The following VTI1A variants were observed in gnomAD, a reference collection of about 807,000 sequenced individuals.
VTI1A encodes vesicle transport through interaction with t-SNAREs homolog 1A.
VTI1A carries 22 observed loss-of-function variants against 34.9 expected under a neutral mutation model. The observed-to-expected ratio is 0.63, with a 90% CI of 0.45 to 0.90. The LOEUF (loss-of-function observed/expected upper bound fraction) is 0.90. Among genes scored for constraint, VTI1A ranks in the 40% least tolerant of loss-of-function variants. The pLI, the probability that VTI1A is intolerant of heterozygous loss-of-function variation, is 0.00. For synonymous variants in VTI1A, 87 were observed against 97.3 expected (o/e 0.89, Z 0.62); for missense variants, 268 against 275.6 (o/e 0.97, Z 0.20).
chr10:112,518,259 ATCAG>A (rs1024528956), intron 3 of VTI1A, among the ~76,000 whole-genome samples: 6 of 151,978 alleles, frequency 3.9e-5, no homozygotes, highest in African/African-American at 1.4e-4. Context: ...TTCGTGAACA[ATCAG>A]ACCTTTGTGA....
intron 5 of VTI1A, among the ~76,000 whole-genome samples, chr10:112,560,597 CT>C (rs1281971200): frequency 2.3e-3 from 287 of 123,716 alleles, no homozygotes; most frequent in East Asian, 5.2e-3. Flanking sequence ...AATAGAAGTG[CT>C]TTTTTTTTTT....
intron 7 of VTI1A, among the ~76,000 whole-genome samples, chr10:112,688,711 G>GTTTT (rs200535927): frequency 0.012 from 1,801 of 151,674 alleles, 37 homozygotes; most frequent in African/African-American, 0.042. Flanking sequence ...TTGTTTGTTT[G>GTTTT]TATTTTTAGT....
chr10:112,626,469 C>G (rs1845926042), intron 5 of VTI1A, among the ~76,000 whole-genome samples: 1 of 151,900 alleles, frequency 6.6e-6, no homozygotes, highest in South Asian at 2.1e-4. Flanking sequence ...TAGAATTAAT[C>G]TGTACTAATG....
intron 5 of VTI1A, among the ~76,000 whole-genome samples, chr10:112,573,401 G>T (rs74908996): frequency 6.6e-6 from 1 of 151,966 alleles, no homozygotes; most frequent in Non-Finnish European, 1.5e-5. Context: ...TAGAGGGTAT[G>T]TTTATTAGGA....
At chr10:112,779,379 T>TAAGAG (rs1852047192) in intron 7 of VTI1A, among the ~76,000 whole-genome samples, 1 of 152,234 alleles carries the variant, frequency 6.6e-6, no homozygotes, top group Non-Finnish European at 1.5e-5. Context: ...GACTAGATTT[T>TAAGAG]GACACAGAGA....
intron 7 of VTI1A, among the ~76,000 whole-genome samples, chr10:112,784,237 A>T (rs1213901496): frequency 6.6e-6 from 1 of 152,194 alleles, no homozygotes; most frequent in Non-Finnish European, 1.5e-5. Context: ...ATCTGTAGCA[A>T]ATCTGCCGGT....
intron 5 of VTI1A, among the ~76,000 whole-genome samples, chr10:112,611,174 G>A (rs1845295265): frequency 6.6e-6 from 1 of 152,196 alleles, no homozygotes; most frequent in African/African-American, 2.4e-5. Flanking sequence ...AACGACAATA[G>A]AGTAATGTTA....
intron 1 of VTI1A, 122 bp downstream of exon 1, chr10:112,447,589 T>A (rs1482314043): frequency 1.8e-6 from 2 of 1,133,936 alleles, no homozygotes; most frequent in Non-Finnish European, 2.5e-6. Context: ...TGCCGGCTGT[T>A]CCCAGGAGGG....
At chr10:112,805,325 C>T (rs962047505) in intron 7 of VTI1A, among the ~76,000 whole-genome samples, 1 of 152,112 alleles carries the variant, frequency 6.6e-6, no homozygotes, top group African/African-American at 2.4e-5. Flanking sequence ...AAATTATACA[C>T]ATTCAAAATT....
the VTI1A span, among the ~76,000 whole-genome samples, chr10:112,843,281 G>A: frequency 6.6e-6 from 1 of 152,244 alleles, no homozygotes; most frequent in East Asian, 1.9e-4. Flanking sequence ...GTGTGACCAT[G>A]ATGCTAAGGA....
At chr10:112,798,933 C>T (rs576441304) in intron 7 of VTI1A, among the ~76,000 whole-genome samples, 56 of 152,274 alleles carry the variant, frequency 3.7e-4, no homozygotes, top group African/African-American at 1.3e-3. Flanking sequence ...CAGCCACGTG[C>T]TGCAGACCAT....
intron 5 of VTI1A, among the ~76,000 whole-genome samples, chr10:112,609,899 TG>T (rs753485813): frequency 2.5e-4 from 38 of 152,144 alleles, no homozygotes; most frequent in Non-Finnish European, 5.3e-4. Context: ...AATGGTACTC[TG>T]AATCTCACTT....
intron 5 of VTI1A, among the ~76,000 whole-genome samples, chr10:112,567,138 A>G (rs1483041031): frequency 1.3e-5 from 2 of 152,016 alleles, no homozygotes; most frequent in Admixed American, 6.5e-5. Flanking sequence ...CAGGTAACCC[A>G]CCTAGTTCAG....
intron 7 of VTI1A, among the ~76,000 whole-genome samples, chr10:112,791,604 C>T (rs1040644338): frequency 1.3e-5 from 2 of 152,052 alleles, no homozygotes; most frequent in African/African-American, 4.8e-5. Context: ...GCCAAGAAAA[C>T]CAGTGAGAAT....
intron 7 of VTI1A, among the ~76,000 whole-genome samples, chr10:112,800,102 A>G (rs1439708850): frequency 6.6e-6 from 1 of 152,230 alleles, no homozygotes; most frequent in Non-Finnish European, 1.5e-5. Context: ...TGTTAAATAA[A>G]TGACTATTAA....
intron 3 of VTI1A, among the ~76,000 whole-genome samples, chr10:112,471,367 A>ATTTTTTTT (rs576549183): frequency 6.4e-5 from 6 of 94,398 alleles, no homozygotes; most frequent in Admixed American, 1.1e-4. Flanking sequence ...ATTCTTATTG[A>ATTTTTTTT]TTTTTTTTTT....
At chr10:112,758,568 T>C (rs1851361758) in intron 7 of VTI1A, among the ~76,000 whole-genome samples, 1 of 152,248 alleles carries the variant, frequency 6.6e-6, no homozygotes, top group Non-Finnish European at 1.5e-5. Flanking sequence ...GAAGTGCTGG[T>C]TGCAGCCACA....
chr10:112,791,873 G>A (rs954671494), intron 7 of VTI1A, among the ~76,000 whole-genome samples: 3 of 151,816 alleles, frequency 2.0e-5, no homozygotes, highest in Admixed American at 6.6e-5. Flanking sequence ...AAATGTGAGG[G>A]AAACACTTTC....
At chr10:112,575,397 T>G (rs1009849753) in intron 5 of VTI1A, among the ~76,000 whole-genome samples, 1 of 152,232 alleles carries the variant, frequency 6.6e-6, no homozygotes, top group East Asian at 1.9e-4. Flanking sequence ...AGTCAAGGTT[T>G]TCTTCATGTG....
Sources: allele counts gnomAD v4.1 joint callset (sites outside exome capture counted in the v4.1 genomes callset), GRCh38; gene constraint gnomAD v4.1.1; transcripts MANE v1.5; gene names NCBI Gene and HGNC (gene_info 2026-07-23, HGNC 2026-07-21).